The following CAPN10 variants were observed in gnomAD, a reference collection of about 807,000 sequenced individuals.
CAPN10 encodes the protein calpain 10.
A neutral mutation model predicts 78.4 loss-of-function variants in CAPN10; 71 were observed. The observed-to-expected ratio is 0.91, with a 90% CI of 0.75 to 1.10. The LOEUF (loss-of-function observed/expected upper bound fraction) is 1.10, where lower values mean the gene tolerates loss of function less well. Among genes scored for constraint, CAPN10 ranks in the 50% least tolerant of loss-of-function variants. The pLI, the probability that CAPN10 is intolerant of heterozygous loss-of-function variation, is 0.00. For synonymous variants in CAPN10, 437 were observed against 407.2 expected, an observed-to-expected ratio of 1.07 and a Z score of -0.88; for missense variants, 849 against 924.6, an observed-to-expected ratio of 0.92 and a Z score of 1.06.
At position 240,598,381 on chromosome 2, in the gene CAPN10, G is replaced by A. The variant is rs1186477745; in HGVS notation, c.1973G>A (p.Gly658Asp). Residue 658 changes from glycine (G) to aspartate (D), a missense_variant, in exon 11 of 12, where the codon GGC (glycine) becomes GAC (aspartate). Physicochemically the swap from Gly to Asp is moderately conservative, Grantham distance 94. Transcript: ENST00000391984. ...RPSIHSQEML[G>D]QFLQEVSIMA... The stretch of plus-strand genomic sequence containing the variant: ...TCCATTCACAGCCAGGAGATGCTGG[G>A]CCAGTTCCTCCAAGAGGTGTGTATG... 1 of 1,613,714 alleles carries A rather than the reference G, an allele frequency of 6.2e-7. No homozygotes were observed. Among genetic ancestry groups the A allele is most frequent in the Non-Finnish European group, 8.5e-7 (1 of 1,180,002 alleles).
intron 3 of CAPN10, chr2:240,591,276 GTCC>G (rs2093100318): frequency 4.6e-6 from 2 of 437,492 alleles, no homozygotes; most frequent in Non-Finnish European, 8.2e-6. Context: ...CATGTGTGCC[GTCC>G]TCCTTATTTT....
At position 240,593,991 on chromosome 2, in the gene CAPN10, G is replaced by C; in HGVS notation, c.774G>C (p.Leu258=). ...GTCAGGCGGGCCAGTGCATCCTGCTGCTGCGGATCCAGAACCCCTGGGGCC... is the reference window on the plus strand; with the variant it reads ...GTCAGGCGGGCCAGTGCATCCTGCTCCTGCGGATCCAGAACCCCTGGGGCC... ...LQGQAGQCIL[L]LRIQNPWGRR... Residue 258 remains leucine (L), a synonymous_variant, in exon 5 of 12, where the codon CTG becomes CTC. Coordinates refer to ENST00000391984, the MANE Select transcript of CAPN10 (RefSeq NM_023083.4). The C allele has an allele frequency of 6.2e-7, 1 of 1,611,528 alleles. No individual in the cohort carries two copies. Among genetic ancestry groups the C allele is most frequent in the Non-Finnish European group, 8.5e-7 (1 of 1,178,428 alleles).
At position 240,587,044 on chromosome 2, in the gene CAPN10, C is replaced by T; in HGVS notation, c.133C>T (p.Arg45Trp). 3.5e-6 allele frequency: 5 copies of T among 1,439,452 alleles called. No homozygotes were observed. The highest frequency in any genetic ancestry group is 4.6e-6 in the Non-Finnish European group (5 of 1,091,608). 89.2% of individuals were successfully genotyped at this position (1,439,452 alleles called of 1,614,324 possible). Residue 45 changes from arginine (R) to tryptophan (W), a missense_variant, in exon 1 of 12, where the codon CGG becomes TGG. By Grantham distance (101) the Arg-to-Trp change is moderately radical (BLOSUM62 -3). Transcript: ENST00000391984. ...GTTCCGCGAGGACATCACGTGGAGGCGGCCCCAGGTGGGGCCGTGTGGGGT... is the reference window on the plus strand; with the variant it reads ...GTTCCGCGAGGACATCACGTGGAGGTGGCCCCAGGTGGGGCCGTGTGGGGT... ...AQFREDITWR[R>W]PQEICATPRL...
intron 1 of CAPN10, 42 bp downstream of exon 1, chr2:240,587,094 TGAGATCTCCGCTCCTCGCAGG>T: frequency 7.8e-7 from 1 of 1,275,748 alleles, no homozygotes; most frequent in Non-Finnish European, 1.0e-6. Context: ...TTCTGGTTTC[TGAGATCTCCGCTCCTCGCAGG>T]GAGCGGGGCG....
intron 10 of CAPN10, 77 bp from the exon 11 acceptor site, chr2:240,598,275 G>T: frequency 6.5e-7 from 1 of 1,535,758 alleles, no homozygotes; most frequent in South Asian, 1.1e-5. Flanking sequence ...AGAGTCTAGT[G>T]GGAGGTGGGC....
At chr2:240,598,231 G>A (rs1034789616) in intron 10 of CAPN10, 121 bp from the exon 11 acceptor site, 3 of 1,416,460 alleles carry the variant, frequency 2.1e-6, no homozygotes, top group Non-Finnish European at 3.0e-6. Flanking sequence ...CTGCCTACCT[G>A]GGGACCCTTC....
At chr2:240,594,943 G>C (rs934289396) in intron 6 of CAPN10, 81 bp from the exon 7 acceptor site, 5 of 1,473,536 alleles carry the variant, frequency 3.4e-6, no homozygotes, top group Middle Eastern at 2.4e-4. Flanking sequence ...CTTAGACCCT[G>C]CCAGGGTTCA....
chr2:240,591,777 C>T (rs564437969), intron 3 of CAPN10, 156 bp from the exon 4 acceptor site: 85 of 659,750 alleles, frequency 1.3e-4, no homozygotes, highest in Non-Finnish European at 2.0e-4. Context: ...GAGGCTAAGC[C>T]TTGACTTGGT....
At chr2:240,589,515 CT>C (rs1559423191) in intron 2 of CAPN10, 41 bp downstream of exon 2, 1 of 1,571,192 alleles carries the variant, frequency 6.4e-7, no homozygotes, top group East Asian at 2.2e-5. Context: ...GAGCCGGTTT[CT>C]TTTTGCGTTT....
chr2:240,597,837 G>GATCC, intron 9 of CAPN10, 51 bp from the exon 10 acceptor site: 3 of 1,508,578 alleles, frequency 2.0e-6, no homozygotes, highest in Non-Finnish European at 2.7e-6. Context: ...CCTGGGCTGG[G>GATCC]CTCCCTACCC....
rs753895154 is a variant in CAPN10 at position 240,595,295 on chromosome 2, C to T, written c.1269C>T (p.His423=). The T allele has an allele frequency of 1.9e-6, 3 of 1,612,964 alleles. No individual in the cohort carries two copies. In the African/African-American group the frequency reaches 4.0e-5, roughly 22 times the overall value. ...AGCACTACCAGGCTGTGGGTCTGCACCTCTGGAAGGTAACTCAGCCCCGTC... is the reference window on the plus strand; with the variant it reads ...AGCACTACCAGGCTGTGGGTCTGCATCTCTGGAAGGTAACTCAGCCCCGTC... ...PGKHYQAVGL[H]LWKVEKRRVN... Residue 423 remains histidine (H), a synonymous_variant, in exon 7 of 12, where the codon CAC becomes CAT. Transcript: ENST00000391984.
chr2:240,595,211 G>T lies in CAPN10; in HGVS notation c.1185G>T (p.Arg395=). 1 of 1,613,668 alleles carries T rather than the reference G, an allele frequency of 6.2e-7. No individual in the cohort carries two copies. The highest frequency in any genetic ancestry group is 8.5e-7 in the Non-Finnish European group (1 of 1,180,008). Residue 395 remains arginine (R), a synonymous_variant, in exon 7 of 12, where the codon CGG becomes CGT. Coordinates refer to ENST00000391984, the MANE Select transcript of CAPN10 (RefSeq NM_023083.4). ...TGCACGCGGCGGACTGGGCAGGCCG[G>T]GCCCGGGCACTGGTGGGTGACAGTC... ...SRLHAADWAG[R]ARALVGDSHT... is the part of the protein sequence containing the mutation.
chr2:240,592,589 G>T (rs1017495262), intron 4 of CAPN10: 5 of 450,314 alleles, frequency 1.1e-5, no homozygotes, highest in African/African-American at 2.0e-5. Context: ...TGGGAGTATC[G>T]CTGGAGCCCA....
intron 5 of CAPN10, 107 bp from the exon 6 acceptor site, chr2:240,594,435 AG>A (rs1481557381): frequency 5.4e-5 from 62 of 1,148,676 alleles, no homozygotes; most frequent in Non-Finnish European, 5.0e-6. Context: ...GGTTGCTGGC[AG>A]GAACTCAGGG....
intron 10 of CAPN10, 118 bp from the exon 11 acceptor site, chr2:240,598,234 G>C: frequency 7.0e-7 from 1 of 1,423,152 alleles, no homozygotes; most frequent in Non-Finnish European, 9.9e-7. Context: ...CCTACCTGGG[G>C]ACCCTTCCTT....
rs149185632 is a variant in CAPN10 at position 240,595,049 on chromosome 2, G to A, written c.1023G>A (p.Ala341=). The change falls in exon 7 of 12, where the codon GCG becomes GCA. Residue 341 remains alanine, a synonymous_variant. Coordinates refer to ENST00000391984, the MANE Select transcript of CAPN10 (RefSeq NM_023083.4). ...YTERLLCHTR[A]LPGAWVKGQS... is the part of the protein sequence containing the mutation. ...AGAGGCTGCTCTGCCATACGCGGGC[G>A]CTGCCTGGGGCCTGGGTCAAGGGCC... 67 of 1,613,152 alleles carry A rather than the reference G, an allele frequency of 4.2e-5. No homozygotes were observed. Among genetic ancestry groups the A allele is most frequent in the Non-Finnish European group, 5.0e-5 (59 of 1,180,024 alleles).
chr2:240,592,240 C>T, intron 4 of CAPN10, 90 bp downstream of exon 4: 4 of 1,098,300 alleles, frequency 3.6e-6, no homozygotes, highest in Non-Finnish European at 5.4e-6. Context: ...ATGTGACTGG[C>T]TACACAGCCC....
Position 240,595,033 on chromosome 2 carries a change from T to C in CAPN10, c.1007T>C (p.Leu336Pro), listed in dbSNP as rs749991487. ...GGTGTTTTCTCACTAGAGAGGCTGC[T>C]CTGCCATACGCGGGCGCTGCCTGGG... The part of the protein sequence containing the change: ...HLQSLYTERL[L>P]CHTRALPGAW... The change falls in exon 7 of 12, where the codon CTC (leucine) becomes CCC (proline). Residue 336 changes from leucine to proline, a missense_variant. By Grantham distance (98) the Leu-to-Pro change is moderately conservative. Transcript: ENST00000391984. The C allele has an allele frequency of 2.5e-6, 4 of 1,612,934 alleles. No individual in the cohort carries two copies. The highest frequency in any genetic ancestry group is 2.2e-5 in the South Asian group (2 of 91,060).
rs138432988 is a variant in CAPN10, at chr2:240,591,975, G to A, written c.513G>A (p.Ala171=). 72 of 1,613,560 alleles carry A rather than the reference G, an allele frequency of 4.5e-5. No homozygotes were observed. The highest frequency in any genetic ancestry group is 3.9e-4 in the African/African-American group (29 of 75,054). The change falls in exon 4 of 12, where the codon GCG becomes GCA. Residue 171 remains alanine, a synonymous_variant. Coordinates refer to ENST00000391984, the MANE Select transcript of CAPN10 (RefSeq NM_023083.4). ...SYEHLWAGQV[A]DALVDLTGGL... is the part of the protein sequence containing the mutation. ...AGCACCTGTGGGCCGGGCAGGTGGC[G>A]GATGCCCTGGTGGACCTGACCGGCG...
Sources: allele counts gnomAD v4.1 joint callset, GRCh38; gene constraint gnomAD v4.1.1; transcripts MANE v1.5; gene names NCBI Gene and HGNC (gene_info 2026-07-23, HGNC 2026-07-21).